AIG1: variants seen among roughly 807,000 people sequenced by gnomAD.
AIG1 encodes androgen induced 1.
AIG1 carries 23 observed loss-of-function variants against 31.4 expected under a neutral mutation model. The observed-to-expected ratio is 0.73, with a 90% CI of 0.53 to 1.04. AIG1 has a LOEUF of 1.04. AIG1 is among the 50% of genes least tolerant of loss of function. The pLI, the probability that AIG1 is intolerant of heterozygous loss-of-function variation, is 0.00. For synonymous variants in AIG1, 100 were observed against 110.5 expected, an observed-to-expected ratio of 0.90 and a Z score of 0.60; for missense variants, 274 against 295.0, an observed-to-expected ratio of 0.93 and a Z score of 0.52.
chr6:143,175,458 A>G (rs1225220299), intron 3 of AIG1, among the ~76,000 whole-genome samples: 1 of 152,196 alleles, frequency 6.6e-6, no homozygotes, highest in African/African-American at 2.4e-5. Context: ...AGGTCTGGTC[A>G]TTTAACACAA....
At chr6:143,332,704 A>G (rs1777175844) in intron 4 of AIG1, among the ~76,000 whole-genome samples, 1 of 152,218 alleles carries the variant, frequency 6.6e-6, no homozygotes, top group Admixed American at 6.5e-5. Context: ...CTCATTCTGT[A>G]AAGAAGAGAT....
rs142722607 is a variant in AIG1 at position 143,194,742 on chromosome 6, G to A, written c.399+29559G>A. ...CTGAACGTGTGCTTGATGTCTCCACGTCACGGCAGGTGGCCCCCAGCATGC... is the reference window on the plus strand; with the variant it reads ...CTGAACGTGTGCTTGATGTCTCCACATCACGGCAGGTGGCCCCCAGCATGC... On this transcript the variant is annotated intron_variant, in intron 3 of 5. Transcript: ENST00000357847. Among the ~76,000 whole-genome samples the A allele has an allele frequency of 7.2e-5, 11 of 152,240 alleles. No individual in the cohort carries two copies. The East Asian group carries it at 1.4e-3, about 19-fold the overall frequency.
At position 143,286,461 on chromosome 6, in the gene AIG1, C is replaced by G. The variant is rs373731967; in HGVS notation, c.515+2236C>G. On this transcript the variant is annotated intron_variant, in intron 4 of 5. Coordinates refer to ENST00000357847, the MANE Select transcript of AIG1 (RefSeq NM_016108.4). ...AGACTTTTTCCTTTGGTGTTCTGCC[C>G]TGGGCATTCATAACTGTGCCAAATG... 7.2e-5 allele frequency among the ~76,000 whole-genome samples: 11 copies of G among 152,266 alleles called. No individual in the cohort carries two copies. The South Asian group carries it at 2.3e-3, about 32-fold the overall frequency.
chr6:143,152,181 CAT>C, intron 2 of AIG1, among the ~76,000 whole-genome samples: 1 of 152,296 alleles, frequency 6.6e-6, no homozygotes, highest in East Asian at 1.9e-4. Flanking sequence ...AGTCATCTAA[CAT>C]AGGATGCTTC....
intron 3 of AIG1, among the ~76,000 whole-genome samples, chr6:143,229,420 C>T (rs1459965283): frequency 1.3e-5 from 2 of 152,226 alleles, no homozygotes; most frequent in African/African-American, 4.8e-5. Context: ...TCTAGCCTCT[C>T]TGGAGTTCTA....
chr6:143,229,904 A>T (rs1167393356), intron 3 of AIG1, among the ~76,000 whole-genome samples: 1 of 152,050 alleles, frequency 6.6e-6, no homozygotes, highest in Non-Finnish European at 1.5e-5. Flanking sequence ...TCAGTGAGAG[A>T]AAATGACATT....
rs916372171 is a variant in AIG1, at chr6:143,284,830, AT to A, written c.515+610del. On this transcript the variant is annotated intron_variant, in intron 4 of 5. Transcript: ENST00000357847. The surrounding 1 kb of genome is among the most constrained non-coding windows in gnomAD (Gnocchi z 4.4). ...GGTGCCAAATTTATCTGATAAAAGA[AT>A]TTTTGCCTGGCGAGTCTACTTCACA... 2.0e-5 allele frequency among the ~76,000 whole-genome samples: 3 copies of A among 152,136 alleles called. No individual in the cohort carries two copies. The highest frequency in any genetic ancestry group is 4.4e-5 in the Non-Finnish European group (3 of 68,022).
intron 3 of AIG1, among the ~76,000 whole-genome samples, chr6:143,209,797 G>C (rs1001510248): frequency 6.6e-6 from 1 of 152,186 alleles, no homozygotes; most frequent in African/African-American, 2.4e-5. Flanking sequence ...CAATCATACT[G>C]TTGATTTCTT....
intron 3 of AIG1, among the ~76,000 whole-genome samples, chr6:143,235,578 C>A (rs371772095): frequency 9.9e-5 from 15 of 152,182 alleles, no homozygotes; most frequent in East Asian, 5.9e-4. Context: ...ATGCCATGTT[C>A]CCAGGCTCCC....
intron 2 of AIG1, among the ~76,000 whole-genome samples, chr6:143,161,424 T>C (rs566443612): frequency 8.5e-5 from 13 of 152,146 alleles, no homozygotes; most frequent in Non-Finnish European, 1.5e-4. Context: ...GAAGACATTA[T>C]GAGAAAAGAA....
In AIG1 at chr6:143,284,954, A is replaced by G. The variant is rs1160367143; in HGVS notation, c.515+729A>G. On this transcript the variant is annotated intron_variant, in intron 4 of 5. Coordinates refer to ENST00000357847, the MANE Select transcript of AIG1 (RefSeq NM_016108.4). This position sits in a 1 kb window ranked among gnomAD's most constrained non-coding sequence, Gnocchi z 4.4. ...TCTTTATAATTCCAAGTCCTCTTTGACATATTAACACGCACAGAGGAGGTC... is the reference window on the plus strand; with the variant it reads ...TCTTTATAATTCCAAGTCCTCTTTGGCATATTAACACGCACAGAGGAGGTC... Among the ~76,000 whole-genome samples, 1 of 152,092 alleles carries G rather than the reference A, an allele frequency of 6.6e-6. No individual in the cohort carries two copies. The highest frequency in any genetic ancestry group is 2.4e-5 in the African/African-American group (1 of 41,412).
intron 2 of AIG1, among the ~76,000 whole-genome samples, chr6:143,153,488 C>T (rs1785439715): frequency 6.6e-6 from 1 of 152,154 alleles, no homozygotes; most frequent in Non-Finnish European, 1.5e-5. Flanking sequence ...GCTGGGACTA[C>T]AGGTGCCTGC....
At chr6:143,087,565 C>T (rs544974819) in intron 1 of AIG1, among the ~76,000 whole-genome samples, 70 of 152,244 alleles carry the variant, frequency 4.6e-4, no homozygotes, top group African/African-American at 1.3e-3. Flanking sequence ...GGGTCTGCGA[C>T]GGCGGCAAAC....
intron 3 of AIG1, among the ~76,000 whole-genome samples, chr6:143,184,878 A>T (rs556304723): frequency 5.9e-5 from 9 of 152,214 alleles, no homozygotes; most frequent in Non-Finnish European, 8.8e-5. Context: ...AAGCTAGGAC[A>T]AGAGTGTGGC....
At chr6:143,097,806 A>G (rs1720383391) in intron 1 of AIG1, among the ~76,000 whole-genome samples, 1 of 152,130 alleles carries the variant, frequency 6.6e-6, no homozygotes, top group Non-Finnish European at 1.5e-5. Flanking sequence ...AAGCTTCTAC[A>G]TTCTCCCATC....
chr6:143,258,780 C>T lies in AIG1; in HGVS notation c.400-25330C>T, dbSNP rs1017226083. 6.6e-6 allele frequency among the ~76,000 whole-genome samples: 1 copy of T among 152,174 alleles called. No homozygotes were observed. Among genetic ancestry groups the T allele is most frequent in the Non-Finnish European group, 1.5e-5 (1 of 68,028 alleles). ...AAAACTGAGGTTGAAATTTGGTCCC[C>T]TCTGTGTTGGTGTTGGAAGATGTGG... On this transcript the variant is annotated intron_variant, in intron 3 of 5. Transcript: ENST00000357847. This position sits in a 1 kb window ranked among gnomAD's most constrained non-coding sequence, Gnocchi z 4.7.
intron 4 of AIG1, among the ~76,000 whole-genome samples, chr6:143,307,655 GGAC>G: frequency 6.6e-6 from 1 of 152,300 alleles, no homozygotes; most frequent in African/African-American, 2.4e-5. Context: ...CAGGGGTCAG[GGAC>G]CCACTTGAGG....
intron 1 of AIG1, among the ~76,000 whole-genome samples, chr6:143,069,094 A>C (rs555569711): frequency 6.6e-6 from 1 of 151,324 alleles, no homozygotes; most frequent in Admixed American, 6.6e-5. Flanking sequence ...GGCTCACTGC[A>C]ACCTCCATCT....
chr6:143,147,381 G>C (rs1041201400), intron 2 of AIG1, among the ~76,000 whole-genome samples: 2 of 152,144 alleles, frequency 1.3e-5, no homozygotes, highest in African/African-American at 4.8e-5. Context: ...TTACAGGCAT[G>C]ATGGGAGAGG....
Sources: gnomAD v4.1 joint callset for allele counts (sites outside exome capture counted in the v4.1 genomes callset) on GRCh38, gnomAD v4.1.1 for gene constraint, Gnocchi (gnomAD v3.1) non-coding constraint, MANE v1.5 for transcripts, NCBI Gene and HGNC (gene_info 2026-07-23, HGNC 2026-07-21) for gene names.